Variants in SKIC3 observed in about 807,000 individuals in gnomAD.
SKIC3 encodes the protein superkiller complex protein 3.
the SKIC3 span, chr5:95,464,472 A>T: frequency 3.8e-5 from 26 of 683,664 alleles, no homozygotes; most frequent in South Asian, 4.4e-4. Flanking sequence ...TAACTTAAAA[A>T]CTTCAACTTC....
chr5:95,491,028 C>T, the SKIC3 span: 2 of 1,613,858 alleles, frequency 1.2e-6, no homozygotes, highest in South Asian at 1.1e-5. Context: ...GCCCAGATAG[C>T]AGGATCACCT....
the SKIC3 span, among the ~76,000 whole-genome samples, chr5:95,465,248 G>A: frequency 2.6e-5 from 4 of 152,010 alleles, no homozygotes; most frequent in Non-Finnish European, 5.9e-5. Context: ...ATCGTTATTA[G>A]CACTGCATAA....
the SKIC3 span, among the ~76,000 whole-genome samples, chr5:95,496,712 C>T: frequency 2.0e-5 from 3 of 152,036 alleles, no homozygotes; most frequent in African/African-American, 7.2e-5. Context: ...AACAAAGCCA[C>T]CAAGAATGAA....
the SKIC3 span, among the ~76,000 whole-genome samples, chr5:95,532,033 ACT>A: frequency 6.6e-6 from 1 of 151,854 alleles, no homozygotes. Flanking sequence ...TAGCTACCAA[ACT>A]CTTATCTTTT....
the SKIC3 span, among the ~76,000 whole-genome samples, chr5:95,498,787 G>A: frequency 7.2e-5 from 11 of 152,040 alleles, no homozygotes; most frequent in African/African-American, 1.7e-4. Flanking sequence ...CATCAGGCCC[G>A]GCTAAATTTT....
chr5:95,535,582 T>C, the SKIC3 span, among the ~76,000 whole-genome samples: 1 of 151,902 alleles, frequency 6.6e-6, no homozygotes, highest in African/African-American at 2.4e-5. Flanking sequence ...AGTGCTGGGA[T>C]TACAGGTGTG....
At chr5:95,525,742 T>A in the SKIC3 span, 1 of 1,446,172 alleles carries the variant, frequency 6.9e-7, no homozygotes, top group Non-Finnish European at 9.7e-7. Context: ...TTGCTTTAAT[T>A]AACGAACGAA....
At chr5:95,523,723 C>G in the SKIC3 span, 1 of 1,613,618 alleles carries the variant, frequency 6.2e-7, no homozygotes, top group African/African-American at 1.3e-5. Flanking sequence ...TCATCTAATT[C>G]AAAGGCTTTC....
At chr5:95,530,124 T>C in the SKIC3 span, 1 of 1,613,650 alleles carries the variant, frequency 6.2e-7, no homozygotes, top group Non-Finnish European at 8.5e-7. Context: ...TTCATACTTT[T>C]TGTCTTGTAA....
the SKIC3 span, among the ~76,000 whole-genome samples, chr5:95,479,623 A>G: frequency 5.3e-5 from 8 of 151,752 alleles, no homozygotes; most frequent in African/African-American, 1.9e-4. Flanking sequence ...ATTGTGCCTA[A>G]TTTATAAATT....
At chr5:95,517,009 G>T in the SKIC3 span, 59 of 1,613,506 alleles carry the variant, frequency 3.7e-5, no homozygotes, top group East Asian at 9.4e-4. Flanking sequence ...TAATTCCAAG[G>T]TCACACCATG....
chr5:95,498,444 A>T, the SKIC3 span: 1 of 1,614,142 alleles, frequency 6.2e-7, no homozygotes, highest in South Asian at 1.1e-5. Context: ...CTGATGTAAG[A>T]AGGCACCTCT....
At chr5:95,522,082 CT>C in the SKIC3 span, 1 of 1,613,500 alleles carries the variant, frequency 6.2e-7, no homozygotes, top group Non-Finnish European at 8.5e-7. Context: ...AATCTTCTTT[CT>C]TTTTAATGAT....
At chr5:95,481,890 T>C in the SKIC3 span, among the ~76,000 whole-genome samples, 4 of 152,218 alleles carry the variant, frequency 2.6e-5, no homozygotes, top group Non-Finnish European at 5.9e-5. Flanking sequence ...GCCCTTTTGA[T>C]ACTTTCTCTG....
chr5:95,503,409 G>A, the SKIC3 span, among the ~76,000 whole-genome samples: 6 of 152,212 alleles, frequency 3.9e-5, no homozygotes, highest in Non-Finnish European at 7.3e-5. Flanking sequence ...GCCCATATAT[G>A]TGAAAATGCA....
chr5:95,479,156 T>TA, the SKIC3 span, among the ~76,000 whole-genome samples: 1 of 152,126 alleles, frequency 6.6e-6, no homozygotes, highest in African/African-American at 2.4e-5. Flanking sequence ...AGTCAACGTA[T>TA]AAAAATCAAC....
chr5:95,519,594 C>G, the SKIC3 span, among the ~76,000 whole-genome samples: 1 of 151,714 alleles, frequency 6.6e-6, no homozygotes, highest in Non-Finnish European at 1.5e-5. Context: ...ATTTTAAGAG[C>G]CTAAATTCTT....
chr5:95,480,620 T>C, the SKIC3 span, among the ~76,000 whole-genome samples: 2 of 152,284 alleles, frequency 1.3e-5, no homozygotes, highest in South Asian at 2.1e-4. Context: ...CCATTTTAGA[T>C]AACTCTTTGG....
chr5:95,490,399 T>A, the SKIC3 span, among the ~76,000 whole-genome samples: 1 of 148,006 alleles, frequency 6.8e-6, no homozygotes, highest in African/African-American at 2.5e-5. Context: ...TTTTAATGAA[T>A]ATATATATAT....
Sources: gnomAD v4.1 joint callset for allele counts (sites outside exome capture counted in the v4.1 genomes callset) on GRCh38, gnomAD v4.1.1 for gene constraint, MANE v1.5 for transcripts, NCBI Gene and HGNC (gene_info 2026-07-23, HGNC 2026-07-21) for gene names.